Variants in OPCML observed in about 807,000 individuals in gnomAD.
OPCML encodes opioid binding protein/cell adhesion molecule like, also known as opioid-binding protein/cell adhesion molecule.
A neutral mutation model predicts 37.8 loss-of-function variants in OPCML; 13 were observed. The ratio of observed to expected loss-of-function variants is 0.34; its 90% CI spans 0.22 to 0.55. OPCML has a LOEUF of 0.55. OPCML is among the 20% of genes least tolerant of loss of function. The pLI is 0.91. For missense variants in OPCML, 341 were observed against 435.6 expected, an observed-to-expected ratio of 0.78 and a Z score of 1.93; for synonymous variants, 176 against 168.8, an observed-to-expected ratio of 1.04 and a Z score of -0.33.
rs749099654 is a variant in OPCML, at chr11:132,441,158, C to CTTTTTTTTTTT, written c.506-3800_506-3799insAAAAAAAAAAA. ...ATTCTGAAGATGTGTTCACCAAGGA[C>CTTTTTTTTTTT]TTTTTTGTTTTTTTTTTTTTTTTTT... On this transcript the variant is annotated intron_variant, in intron 4 of 7. Transcript: ENST00000524381. Among the ~76,000 whole-genome samples the CTTTTTTTTTTT allele has an allele frequency of 2.9e-4, 31 of 108,046 alleles. 1 individual carries two copies. Among genetic ancestry groups the CTTTTTTTTTTT allele is most frequent in the African/African-American group, 8.3e-4 (19 of 22,766 alleles). 70.9% of individuals were successfully genotyped at this position (108,046 alleles called of 152,430 possible).
At chr11:133,259,045 A>G (rs1464884685) in intron 1 of OPCML, among the ~76,000 whole-genome samples, 1 of 152,230 alleles carries the variant, frequency 6.6e-6, no homozygotes, top group Non-Finnish European at 1.5e-5. Flanking sequence ...GCTCTGAGAC[A>G]GCCTCACCTC....
intron 2 of OPCML, among the ~76,000 whole-genome samples, chr11:132,713,696 C>A (rs1944357569): frequency 6.6e-6 from 1 of 152,172 alleles, no homozygotes; most frequent in African/African-American, 2.4e-5. Flanking sequence ...ATTTCTTTTG[C>A]ATTCAGGGTC....
chr11:132,483,961 A>C (rs1192009524), intron 4 of OPCML, among the ~76,000 whole-genome samples: 20 of 152,128 alleles, frequency 1.3e-4, no homozygotes, highest in Admixed American at 7.2e-4. Flanking sequence ...AACCATAAAA[A>C]CCCTAAAAGA....
chr11:132,598,784 G>C (rs1344286393), intron 3 of OPCML, among the ~76,000 whole-genome samples: 1 of 151,890 alleles, frequency 6.6e-6, no homozygotes, highest in Non-Finnish European at 1.5e-5. Context: ...CCCATGGTTC[G>C]GTCAATATTT....
At chr11:133,145,270 G>A (rs1262405237) in intron 1 of OPCML, among the ~76,000 whole-genome samples, 1 of 152,168 alleles carries the variant, frequency 6.6e-6, no homozygotes, top group Non-Finnish European at 1.5e-5. Context: ...AGGTGGAGGA[G>A]AGTGGCCATA....
At chr11:133,296,624 C>T (rs1443139788) in intron 1 of OPCML, among the ~76,000 whole-genome samples, 1 of 152,172 alleles carries the variant, frequency 6.6e-6, no homozygotes, top group Non-Finnish European at 1.5e-5. Context: ...TACGATGCTT[C>T]CAACTCCTGC....
intron 3 of OPCML, among the ~76,000 whole-genome samples, chr11:132,629,759 GATA>G (rs1331830742): frequency 1.3e-5 from 2 of 151,890 alleles, no homozygotes; most frequent in African/African-American, 4.8e-5. Context: ...AAACCAAGCA[GATA>G]AAGAAAACTG....
chr11:133,006,980 C>G (rs900077759), intron 1 of OPCML: 1 of 985,324 alleles, frequency 1.0e-6, no homozygotes, highest in Admixed American at 6.1e-5. Flanking sequence ...AACTGTTAAT[C>G]CTTCTCCCTC....
At chr11:132,875,180 A>G (rs1942962954) in intron 2 of OPCML, among the ~76,000 whole-genome samples, 2 of 152,110 alleles carry the variant, frequency 1.3e-5, no homozygotes, top group African/African-American at 2.4e-5. Context: ...ATTACAATGA[A>G]CTCATGCTAC....
intron 2 of OPCML, among the ~76,000 whole-genome samples, chr11:132,767,293 A>ACG (rs201654117): frequency 0.015 from 2,252 of 152,276 alleles, 50 homozygotes; most frequent in African/African-American, 0.05. Flanking sequence ...GTGTGTGTGC[A>ACG]CGCACACATG....
intron 2 of OPCML, among the ~76,000 whole-genome samples, chr11:132,692,544 A>G (rs541929352): frequency 6.6e-6 from 1 of 152,332 alleles, no homozygotes; most frequent in South Asian, 2.1e-4. Context: ...TTGATAAATC[A>G]ATCACTTGCT....
intron 2 of OPCML, among the ~76,000 whole-genome samples, chr11:132,927,241 G>A (rs1474852885): frequency 6.6e-6 from 1 of 152,182 alleles, no homozygotes; most frequent in Non-Finnish European, 1.5e-5. Flanking sequence ...TACCCACAGT[G>A]AGATACATTA....
intron 1 of OPCML, among the ~76,000 whole-genome samples, chr11:133,078,058 T>C (rs1050918766): frequency 1.3e-5 from 2 of 152,200 alleles, no homozygotes; most frequent in African/African-American, 4.8e-5. Context: ...ATTTCACTTC[T>C]GAGTCCATCT....
At chr11:132,726,508 AT>A (rs11454717) in intron 2 of OPCML, among the ~76,000 whole-genome samples, 8,554 of 149,622 alleles carry the variant, frequency 0.057, 488 homozygotes, top group African/African-American at 0.15. Context: ...CCATATCAAC[AT>A]TTTTTTTTTT....
chr11:132,754,220 T>C (rs1181039160), intron 2 of OPCML, among the ~76,000 whole-genome samples: 2 of 152,174 alleles, frequency 1.3e-5, no homozygotes, highest in Non-Finnish European at 2.9e-5. Flanking sequence ...AGCGACTTAC[T>C]CCATGATATG....
intron 2 of OPCML, among the ~76,000 whole-genome samples, chr11:132,724,193 C>T (rs888651792): frequency 2.6e-5 from 4 of 152,090 alleles, no homozygotes; most frequent in African/African-American, 9.7e-5. Context: ...TTCTTTAGCA[C>T]AGTGCACTAA....
intron 1 of OPCML, among the ~76,000 whole-genome samples, chr11:133,286,470 CAAAAAAAAA>C (rs60645863): frequency 5.3e-4 from 27 of 51,306 alleles, no homozygotes; most frequent in African/African-American, 1.5e-3. Flanking sequence ...CTGTGTCTCA[CAAAAAAAAA>C]AAAAAAAAAA....
At chr11:132,981,297 G>A (rs1414508336) in intron 1 of OPCML, among the ~76,000 whole-genome samples, 1 of 152,182 alleles carries the variant, frequency 6.6e-6, no homozygotes, top group East Asian at 1.9e-4. Flanking sequence ...ATTAGGATGT[G>A]GTTTCTGTAG....
At chr11:132,624,777 G>A (rs542505646) in intron 3 of OPCML, among the ~76,000 whole-genome samples, 9 of 152,156 alleles carry the variant, frequency 5.9e-5, no homozygotes, top group Non-Finnish European at 1.0e-4. Context: ...CATGCTTTAC[G>A]TGTCCGAAAC....
Sources: allele counts gnomAD v4.1 joint callset (sites outside exome capture counted in the v4.1 genomes callset), GRCh38; gene constraint gnomAD v4.1.1; transcripts MANE v1.5; gene names NCBI Gene and HGNC (gene_info 2026-07-23, HGNC 2026-07-21).